TEAD1: variants seen among roughly 807,000 people sequenced by gnomAD.
TEAD1 encodes the protein TEA domain transcription factor 1.
A neutral mutation model predicts 54.9 loss-of-function variants in TEAD1; 9 were observed. That is an observed-to-expected ratio of 0.16 (90% CI 0.10 to 0.29). The LOEUF (loss-of-function observed/expected upper bound fraction) is 0.29, where lower values mean the gene tolerates loss of function less well. Among genes scored for constraint, TEAD1 ranks in the 10% least tolerant of loss-of-function variants. The pLI, the probability that TEAD1 is intolerant of heterozygous loss-of-function variation, is 1.00. For missense variants in TEAD1, 387 were observed against 535.9 expected (o/e 0.72, Z 2.74); for synonymous variants, 200 against 187.8 (o/e 1.07, Z -0.53).
chr11:12,786,717 A>C (rs114129837), intron 3 of TEAD1, among the ~76,000 whole-genome samples: 72 of 152,308 alleles, frequency 4.7e-4, no homozygotes, highest in African/African-American at 1.6e-3. Flanking sequence ...GCAACAACAG[A>C]CAAGAGTTGG....
intron 2 of TEAD1, among the ~76,000 whole-genome samples, chr11:12,693,838 C>G (rs1231505137): frequency 6.6e-6 from 1 of 152,226 alleles, no homozygotes; most frequent in African/African-American, 2.4e-5. Context: ...GAAACCACTA[C>G]AAGCCTCATA....
chr11:12,882,757 T>G (rs11022529), intron 8 of TEAD1, among the ~76,000 whole-genome samples: 1 of 152,102 alleles, frequency 6.6e-6, no homozygotes, highest in Non-Finnish European at 1.5e-5. Context: ...GTCCTCATAC[T>G]GCAGCCCTTA....
chr11:12,855,775 T>C (rs1947363523), intron 3 of TEAD1, among the ~76,000 whole-genome samples: 1 of 151,406 alleles, frequency 6.6e-6, no homozygotes, highest in Non-Finnish European at 1.5e-5. Flanking sequence ...GAGACCTCTG[T>C]CTCTACAAAA....
At chr11:12,711,384 A>G (rs185791309) in intron 2 of TEAD1, among the ~76,000 whole-genome samples, 2 of 152,276 alleles carry the variant, frequency 1.3e-5, no homozygotes, top group East Asian at 3.9e-4. Flanking sequence ...ATGCCACTTT[A>G]AGATGTTCTC....
intron 10 of TEAD1, among the ~76,000 whole-genome samples, chr11:12,918,725 C>T (rs1027078185): frequency 2.6e-5 from 4 of 152,120 alleles, no homozygotes; most frequent in Non-Finnish European, 5.9e-5. Context: ...CTTAATAGGT[C>T]CATTTGGAAG....
intron 5 of TEAD1, among the ~76,000 whole-genome samples, chr11:12,869,873 GTCTTTT>G (rs1235223319): frequency 2.1e-5 from 3 of 139,906 alleles, no homozygotes; most frequent in Admixed American, 6.9e-5. Context: ...TTTGCCCATT[GTCTTTT>G]TCTTTTTCTT....
intron 9 of TEAD1, among the ~76,000 whole-genome samples, chr11:12,884,873 T>C (rs1169985324): frequency 6.6e-6 from 1 of 152,230 alleles, no homozygotes; most frequent in African/African-American, 2.4e-5. Context: ...ATGCCCTGCG[T>C]GACTCTGTCC....
chr11:12,928,029 A>G (rs1396457136), intron 11 of TEAD1, among the ~76,000 whole-genome samples: 3 of 151,956 alleles, frequency 2.0e-5, no homozygotes, highest in Non-Finnish European at 4.4e-5. Flanking sequence ...TTCTATTCCT[A>G]TTTTACTTAG....
At chr11:12,747,916 A>G (rs532696580) in intron 2 of TEAD1, among the ~76,000 whole-genome samples, 5 of 152,256 alleles carry the variant, frequency 3.3e-5, no homozygotes, top group Admixed American at 2.6e-4. Context: ...TTATGTATAT[A>G]TAACTGCTCT....
At chr11:12,840,044 A>G (rs1009055898) in intron 3 of TEAD1, among the ~76,000 whole-genome samples, 9 of 151,870 alleles carry the variant, frequency 5.9e-5, no homozygotes, top group African/African-American at 9.7e-5. Context: ...TCAGGAGATC[A>G]AGACCATCCT....
At chr11:12,773,882 A>T (rs748149860) in intron 3 of TEAD1, among the ~76,000 whole-genome samples, 4 of 152,062 alleles carry the variant, frequency 2.6e-5, no homozygotes, top group Non-Finnish European at 2.9e-5. Context: ...AGGTCCTGAA[A>T]ATTTTCTCCT....
At chr11:12,738,053 T>G (rs1944572736) in intron 2 of TEAD1, among the ~76,000 whole-genome samples, 1 of 152,012 alleles carries the variant, frequency 6.6e-6, no homozygotes, top group Admixed American at 6.5e-5. Context: ...ACAAGAACAG[T>G]ATGGGGGAAA....
intron 10 of TEAD1, among the ~76,000 whole-genome samples, chr11:12,907,406 T>C (rs1415563514): frequency 6.6e-6 from 1 of 152,224 alleles, no homozygotes; most frequent in African/African-American, 2.4e-5. Flanking sequence ...GTAATGGGAT[T>C]CTTTTTACTG....
At chr11:12,804,152 A>G (rs16924722) in intron 3 of TEAD1, among the ~76,000 whole-genome samples, 3,558 of 152,350 alleles carry the variant, frequency 0.023, 145 homozygotes, top group African/African-American at 0.082. Context: ...ACTTGGAAAG[A>G]CTGTGCTTTG....
chr11:12,680,479 C>T (rs542508388), intron 2 of TEAD1, among the ~76,000 whole-genome samples: 3 of 152,298 alleles, frequency 2.0e-5, no homozygotes, highest in South Asian at 2.1e-4. Context: ...ATAGCCACTC[C>T]CCGAGGCCCG....
chr11:12,928,999 G>T, intron 11 of TEAD1, among the ~76,000 whole-genome samples: 1 of 152,098 alleles, frequency 6.6e-6, no homozygotes, highest in East Asian at 1.9e-4. Context: ...TATCACTTGT[G>T]GCCTCCACCT....
chr11:12,858,693 G>C (rs1212403609), intron 3 of TEAD1, among the ~76,000 whole-genome samples: 1 of 152,180 alleles, frequency 6.6e-6, no homozygotes, highest in African/African-American at 2.4e-5. Context: ...GAAAAGCAAG[G>C]ACATGAGAGT....
At chr11:12,817,762 C>A (rs1450940439) in intron 3 of TEAD1, among the ~76,000 whole-genome samples, 1 of 152,176 alleles carries the variant, frequency 6.6e-6, no homozygotes, top group Non-Finnish European at 1.5e-5. Flanking sequence ...AGTAGCCCAG[C>A]ACATGGACAG....
chr11:12,678,510 T>G (rs1414199247), intron 2 of TEAD1, among the ~76,000 whole-genome samples: 1 of 152,226 alleles, frequency 6.6e-6, no homozygotes, highest in Admixed American at 6.5e-5. Context: ...CAGTGATACA[T>G]TTTATTCTTT....
Sources: gnomAD v4.1 joint callset for allele counts (sites outside exome capture counted in the v4.1 genomes callset) on GRCh38, gnomAD v4.1.1 for gene constraint, MANE v1.5 for transcripts, NCBI Gene and HGNC (gene_info 2026-07-23, HGNC 2026-07-21) for gene names.